Variants in TMEM232 observed in about 807,000 individuals in gnomAD.
The protein encoded by TMEM232 is transmembrane protein 232.
Under a neutral mutation model 78.8 loss-of-function variants are expected in TMEM232, and 80 were observed. That is an observed-to-expected ratio of 1.01 (90% confidence interval 0.85 to 1.22). TMEM232 has a LOEUF of 1.22. Ranked by LOEUF, TMEM232 falls within the 50% of genes most tolerant of loss-of-function variation. The pLI, the probability that TMEM232 is intolerant of heterozygous loss-of-function variation, is 0.00. For missense variants in TMEM232, 881 were observed against 742.2 expected, an observed-to-expected ratio of 1.19 and a Z score of -2.17; for synonymous variants, 297 against 254.3, an observed-to-expected ratio of 1.17 and a Z score of -1.60.
At chr5:110,652,292 G>GCACACACACA (rs1437198025) in intron 2 of TMEM232, among the ~76,000 whole-genome samples, 4 of 5,014 alleles carry the variant, frequency 8.0e-4, no homozygotes, top group Middle Eastern at 0.083. Flanking sequence ...GTGCACGCGC[G>GCACACACACA]CGCACACACA....
chr5:110,694,512 A>T (rs1794527387), intron 1 of TMEM232, among the ~76,000 whole-genome samples: 1 of 152,196 alleles, frequency 6.6e-6, no homozygotes, highest in African/African-American at 2.4e-5. Flanking sequence ...AGACAGGCAA[A>T]CTGGATAAAG....
In TMEM232 at chr5:110,503,712, T is replaced by A. The variant is rs146247453; in HGVS notation, c.1703+24876A>T. ...ATTTAAACAAGATCTTTGTTTTCCA[T>A]AAGCCCATTACTATCCCTGTTATAC... is the stretch of plus-strand genomic sequence containing the variant. On this transcript the variant is annotated intron_variant, in intron 12 of 13. Transcript: ENST00000455884. 2.8e-3 allele frequency among the ~76,000 whole-genome samples: 424 copies of A among 152,292 alleles called. 3 individuals carry two copies. Among genetic ancestry groups the A allele is most frequent in the African/African-American group, 9.9e-3 (413 of 41,588 alleles).
chr5:110,618,680 T>A, intron 7 of TMEM232, 118 bp from the exon 8 acceptor site: 1 of 1,064,270 alleles, frequency 9.4e-7, no homozygotes, highest in Non-Finnish European at 1.3e-6. Flanking sequence ...GCATATTCTC[T>A]TACACTTTAT....
chr5:110,693,996 T>A (rs1050439147), intron 1 of TMEM232, among the ~76,000 whole-genome samples: 1 of 151,564 alleles, frequency 6.6e-6, no homozygotes, highest in Non-Finnish European at 1.5e-5. Context: ...CCAAGACACA[T>A]TATTGTCAGA....
At chr5:110,560,276 A>T (rs936738943) in intron 11 of TMEM232, among the ~76,000 whole-genome samples, 1 of 152,154 alleles carries the variant, frequency 6.6e-6, no homozygotes, top group African/African-American at 2.4e-5. Flanking sequence ...GGACCATATA[A>T]ATTACAGTTT....
chr5:110,733,416 C>T (rs1297120161), intron 2 of TMEM232, among the ~76,000 whole-genome samples: 2 of 152,144 alleles, frequency 1.3e-5, no homozygotes, highest in Non-Finnish European at 2.9e-5. Flanking sequence ...CACCACTATT[C>T]ACAATAGCAA....
chr5:110,497,620 T>C (rs1447330747), intron 12 of TMEM232, among the ~76,000 whole-genome samples: 1 of 152,132 alleles, frequency 6.6e-6, no homozygotes, highest in Non-Finnish European at 1.5e-5. Context: ...CAATGGCTCA[T>C]AGCACCTAAA....
Position 110,664,154 on chromosome 5 carries a change from TA to T in TMEM232, c.125+3073del, listed in dbSNP as rs542634117. ...GACCCTGTCTGTAAAAATAAAAATA[TA>T]AAAAAAGGACACACCTGCACAGATA... On this transcript the variant is annotated intron_variant, in intron 2 of 13. Coordinates refer to ENST00000455884, the MANE Select transcript of TMEM232 (RefSeq NM_001039763.4). Among the ~76,000 whole-genome samples the T allele has an allele frequency of 8.4e-4, 128 of 151,876 alleles. 1 individual carries two copies. Among genetic ancestry groups the T allele is most frequent in the African/African-American group, 3.0e-3 (126 of 41,424 alleles).
intron 12 of TMEM232, among the ~76,000 whole-genome samples, chr5:110,513,202 C>T (rs1402358262): frequency 4.6e-5 from 7 of 152,050 alleles, no homozygotes; most frequent in Non-Finnish European, 7.4e-5. Flanking sequence ...AACCGATGTA[C>T]GAAGCATAGT....
Position 110,625,258 on chromosome 5 carries a change from A to T in TMEM232, c.768+9T>A. 6.6e-7 allele frequency: 1 copy of T among 1,517,374 alleles called. No individual in the cohort carries two copies. Among genetic ancestry groups the T allele is most frequent in the Non-Finnish European group, 8.8e-7 (1 of 1,130,620 alleles). The allele number at this position is 1,517,374 out of a possible 1,614,324, so 94.0% of individuals were successfully genotyped here. ...CAACAGGATATACCCACCATACCAG[A>T]TTACTCACCATATCAGAATCTGTGT... On this transcript the variant is annotated intron_variant, in intron 7 of 13. Transcript: ENST00000455884.
In TMEM232 at chr5:110,419,712, CTG is replaced by C. The variant is rs1166215754; in HGVS notation, c.*866_*867del. Among the ~76,000 whole-genome samples, 9 of 152,042 alleles carry C rather than the reference CTG, an allele frequency of 5.9e-5. No homozygotes were observed. The highest frequency in any genetic ancestry group is 5.9e-4 in the Admixed American group (9 of 15,260). On this transcript the variant is annotated 3_prime_UTR_variant, in exon 14 of 14. Transcript: ENST00000455884. The stretch of plus-strand genomic sequence containing the variant: ...AGTTTGACACCCCTGATAAAAGTCT[CTG>C]TCTCTTGAGTATCACCAAGTCATCT...
intron 11 of TMEM232, among the ~76,000 whole-genome samples, chr5:110,568,031 T>C (rs1186633706): frequency 1.3e-5 from 2 of 151,984 alleles, no homozygotes; most frequent in East Asian, 3.9e-4. Context: ...GATTGTGTTA[T>C]GCTCCTTAAA....
Position 110,596,341 on chromosome 5 carries a change from A to G in TMEM232, c.1276+8768T>C, listed in dbSNP as rs9765771. 3.2e-3 allele frequency among the ~76,000 whole-genome samples: 495 copies of G among 152,338 alleles called. 2 individuals carry two copies. Among genetic ancestry groups the G allele is most frequent in the African/African-American group, 0.011 (477 of 41,576 alleles). ...AGAAGTTGAATCTCTGAATAGACCA[A>G]TAACAGGCTCTGAAAGTGTGGCAAT... On this transcript the variant is annotated intron_variant, in intron 10 of 13. Transcript: ENST00000455884.
In TMEM232 at chr5:110,638,287, A is replaced by G. The variant is rs1299471893; in HGVS notation, c.412T>C (p.Phe138Leu). The G allele has an allele frequency of 6.4e-7, 1 of 1,551,190 alleles. No individual in the cohort carries two copies. Among genetic ancestry groups the G allele is most frequent in the Non-Finnish European group, 8.7e-7 (1 of 1,146,654 alleles). Residue 138 changes from phenylalanine (F) to leucine (L), a missense_variant, in exon 5 of 14, where the codon TTT becomes CTT. Phe to Leu is a conservative substitution (Grantham distance 22, BLOSUM62 0). Transcript: ENST00000455884. ...SFDYDHLPAL[F>L]FVAESVLYRL... ...TATAAAACCGATTCCGCAACAAAAA[A>G]TAAGGCAGGCAGATGATCATAATCA...
intron 3 of TMEM232, among the ~76,000 whole-genome samples, chr5:110,395,556 T>C (rs539566430): frequency 2.2e-4 from 33 of 152,304 alleles, no homozygotes; most frequent in African/African-American, 7.9e-4. Context: ...TACTCATCAG[T>C]TCTCTGCTGG....
chr5:110,506,605 CT>C (rs375438513), intron 12 of TMEM232, among the ~76,000 whole-genome samples: 16 of 152,280 alleles, frequency 1.1e-4, no homozygotes, highest in African/African-American at 3.6e-4. Context: ...TAACTACCCT[CT>C]TTTCCAATTC....
At chr5:110,554,594 G>A (rs779275035) in intron 11 of TMEM232, among the ~76,000 whole-genome samples, 3 of 152,012 alleles carry the variant, frequency 2.0e-5, no homozygotes, top group African/African-American at 4.8e-5. Context: ...ATGTTTATCC[G>A]GGATATTGGC....
chr5:110,414,001 C>G (rs1174789851), intron 2 of TMEM232, among the ~76,000 whole-genome samples: 1 of 152,166 alleles, frequency 6.6e-6, no homozygotes, highest in East Asian at 1.9e-4. Flanking sequence ...GAAAGCACTC[C>G]CGTGAATCTC....
chr5:110,463,896 TC>T (rs1289391419), intron 12 of TMEM232, among the ~76,000 whole-genome samples: 5 of 152,212 alleles, frequency 3.3e-5, no homozygotes, highest in African/African-American at 1.2e-4. Context: ...TGGCCTTATT[TC>T]TACCCCTTAC....
Sources: gnomAD v4.1 joint callset for allele counts (sites outside exome capture counted in the v4.1 genomes callset) on GRCh38, gnomAD v4.1.1 for gene constraint, MANE v1.5 for transcripts, NCBI Gene and HGNC (gene_info 2026-07-23, HGNC 2026-07-21) for gene names.